INPP5A: variants seen among roughly 807,000 people sequenced by gnomAD.
INPP5A encodes the protein inositol polyphosphate-5-phosphatase A.
A neutral mutation model predicts 65.2 loss-of-function variants in INPP5A; 14 were observed. That is an observed-to-expected ratio of 0.21 (90% confidence interval 0.14 to 0.34). The LOEUF (loss-of-function observed/expected upper bound fraction) is 0.34, where lower values mean the gene tolerates loss of function less well. Ranked by LOEUF, INPP5A falls within the 10% of genes least tolerant of loss-of-function variation. The probability of loss-of-function intolerance (pLI) is 1.00; values close to 1 mark genes in which losing one functional copy is unlikely to be tolerated. For synonymous variants in INPP5A, 207 were observed against 208.3 expected (o/e 0.99, Z 0.05); for missense variants, 431 against 545.6 (o/e 0.79, Z 2.09).
intron 4 of INPP5A, among the ~76,000 whole-genome samples, chr10:132,664,851 C>G (rs2072781629): frequency 6.6e-6 from 1 of 152,224 alleles, no homozygotes; most frequent in Admixed American, 6.5e-5. Flanking sequence ...GGCCACACAT[C>G]CCTGTCAGGG....
rs1237158030 is a variant in INPP5A, at chr10:132,546,085, C to G, written c.75+7914C>G. Among the ~76,000 whole-genome samples the G allele has an allele frequency of 6.6e-6, 1 of 152,206 alleles. No individual in the cohort carries two copies. Among genetic ancestry groups the G allele is most frequent in the Non-Finnish European group, 1.5e-5 (1 of 68,034 alleles). ...GAGTGGCCGAGGCGTCTGGGGACGT[C>G]CTGGAGCCTGCAGCCCTTGGCCGTG... On this transcript the variant is annotated intron_variant, in intron 1 of 15. Transcript: ENST00000368594. This position sits in a 1 kb window ranked among gnomAD's most constrained non-coding sequence, Gnocchi z 5.7.
At chr10:132,770,725 A>T (rs914199997) in intron 12 of INPP5A, among the ~76,000 whole-genome samples, 17 of 152,358 alleles carry the variant, frequency 1.1e-4, no homozygotes, top group African/African-American at 3.4e-4. Flanking sequence ...TTACATAAGT[A>T]ACATTTTTGT....
At position 132,566,236 on chromosome 10, in the gene INPP5A, A is replaced by G. The variant is rs192913022; in HGVS notation, c.75+28065A>G. ...GAGGGAGACACTAAATTGACCAGTTATTAGGAAAAAAATTAAAAAGATTGA... is the reference window on the plus strand; with the variant it reads ...GAGGGAGACACTAAATTGACCAGTTGTTAGGAAAAAAATTAAAAAGATTGA... On this transcript the variant is annotated intron_variant, in intron 1 of 15. Transcript: ENST00000368594. 1.0e-3 allele frequency among the ~76,000 whole-genome samples: 157 copies of G among 152,330 alleles called. 2 individuals are homozygous for G. The highest frequency in any genetic ancestry group is 2.4e-4 in the Non-Finnish European group (16 of 68,036).
At chr10:132,731,335 G>C (rs569963078) in intron 9 of INPP5A, among the ~76,000 whole-genome samples, 12 of 151,830 alleles carry the variant, frequency 7.9e-5, no homozygotes, top group African/African-American at 2.4e-4. Flanking sequence ...GTGACTGCGT[G>C]CCTCCTGCAT....
intron 3 of INPP5A, 49 bp downstream of exon 3, chr10:132,646,017 G>A (rs767462424): frequency 3.9e-6 from 5 of 1,268,832 alleles, no homozygotes; most frequent in Admixed American, 1.8e-5. Context: ...CAGGGGTGTG[G>A]GGTGCCGGCG....
intron 6 of INPP5A, among the ~76,000 whole-genome samples, chr10:132,703,150 T>A (rs1845464270): frequency 6.6e-6 from 1 of 152,130 alleles, no homozygotes; most frequent in African/African-American, 2.4e-5. Context: ...CCCTGTGACT[T>A]GGTGCAGGCA....
chr10:132,590,651 C>T (rs1459559723), intron 1 of INPP5A, among the ~76,000 whole-genome samples: 1 of 152,226 alleles, frequency 6.6e-6, no homozygotes, highest in Admixed American at 6.5e-5. Flanking sequence ...CCGTTGCTTC[C>T]AGACAGCCTC....
chr10:132,729,234 C>T (rs2134588743), intron 9 of INPP5A, among the ~76,000 whole-genome samples: 1 of 152,316 alleles, frequency 6.6e-6, no homozygotes, highest in African/African-American at 2.4e-5. Flanking sequence ...GGCGGGAGAA[C>T]AGTGCAGGGG....
At chr10:132,569,202 A>G (rs995819762) in intron 1 of INPP5A, among the ~76,000 whole-genome samples, 6 of 152,072 alleles carry the variant, frequency 3.9e-5, no homozygotes, top group Non-Finnish European at 5.9e-5. Flanking sequence ...GAGAGTGTTA[A>G]GTTCTTATAC....
intron 5 of INPP5A, among the ~76,000 whole-genome samples, chr10:132,695,851 G>A (rs1845336237): frequency 6.6e-6 from 1 of 152,230 alleles, no homozygotes; most frequent in African/African-American, 2.4e-5. Flanking sequence ...GGAAGATCTA[G>A]ATAAATGGAG....
Position 132,635,332 on chromosome 10 carries a change from AT to A in INPP5A, c.118-10528del, listed in dbSNP as rs764831085. On this transcript the variant is annotated intron_variant, in intron 2 of 15. Coordinates refer to ENST00000368594, the MANE Select transcript of INPP5A (RefSeq NM_005539.5). ...TTCCTGCTGTCTTTTGAATTATTTA[AT>A]TTTTTTTGGCATTCCATTTTTATTT... Among the ~76,000 whole-genome samples, 164 of 117,202 alleles carry A rather than the reference AT, an allele frequency of 1.4e-3. 1 individual carries two copies. Among genetic ancestry groups the A allele is most frequent in the Non-Finnish European group, 1.5e-3 (82 of 53,964 alleles). The allele number at this position is 117,202 out of a possible 152,430, so 76.9% of individuals were successfully genotyped here.
intron 7 of INPP5A, 118 bp downstream of exon 7, chr10:132,708,483 C>G: frequency 2.0e-6 from 2 of 999,826 alleles, no homozygotes; most frequent in Non-Finnish European, 3.2e-6. Context: ...ATGAGGACCC[C>G]CAGCTGCCTG....
chr10:132,653,843 G>A (rs778213644), intron 4 of INPP5A, among the ~76,000 whole-genome samples: 3 of 152,230 alleles, frequency 2.0e-5, no homozygotes, highest in South Asian at 4.1e-4. Flanking sequence ...GGCGCCCCCC[G>A]TCAAAGGAAA....
chr10:132,562,899 C>T (rs922742866), intron 1 of INPP5A, among the ~76,000 whole-genome samples: 1 of 152,208 alleles, frequency 6.6e-6, no homozygotes. Flanking sequence ...TTCCCCTGCT[C>T]TGGTATCTCA....
At chr10:132,735,402 A>G (rs1846158660) in intron 9 of INPP5A, among the ~76,000 whole-genome samples, 1 of 152,264 alleles carries the variant, frequency 6.6e-6, no homozygotes, top group Non-Finnish European at 1.5e-5. Flanking sequence ...ATCACAGTGC[A>G]GAGCGTCTTG....
intron 2 of INPP5A, among the ~76,000 whole-genome samples, chr10:132,635,821 A>G (rs960305831): frequency 3.9e-5 from 6 of 151,962 alleles, no homozygotes; most frequent in Admixed American, 6.6e-5. Context: ...AAAAAAAAAA[A>G]AATTAGCTGG....
chr10:132,714,068 C>T (rs1389261640), intron 8 of INPP5A, among the ~76,000 whole-genome samples: 1 of 152,166 alleles, frequency 6.6e-6, no homozygotes, highest in Non-Finnish European at 1.5e-5. Flanking sequence ...GCAGGGAGGG[C>T]CCTGCCGTGT....
intron 2 of INPP5A, among the ~76,000 whole-genome samples, chr10:132,630,621 GAGGGGAAGACA>G (rs2072255198): frequency 2.0e-5 from 3 of 151,414 alleles, no homozygotes; most frequent in East Asian, 3.9e-4. Flanking sequence ...AGACATCCAT[GAGGGGAAGACA>G]TCCATGAGGG....
Position 132,768,106 on chromosome 10 carries a change from C to T in INPP5A, c.977+2260C>T, listed in dbSNP as rs186865771. On this transcript the variant is annotated intron_variant, in intron 12 of 15. Coordinates refer to ENST00000368594, the MANE Select transcript of INPP5A (RefSeq NM_005539.5). ...AGAAAGATCCATGGACCCCAACCCT[C>T]GGCATTCCCAGGGTGCCCACGTGCC... is the stretch of plus-strand genomic sequence containing the variant. Among the ~76,000 whole-genome samples, 514 of 145,832 alleles carry T rather than the reference C, an allele frequency of 3.5e-3. 2 individuals are homozygous for T. The highest frequency in any genetic ancestry group is 5.8e-3 in the Non-Finnish European group (387 of 66,506).
Sources: gnomAD v4.1 joint callset for allele counts (sites outside exome capture counted in the v4.1 genomes callset) on GRCh38, gnomAD v4.1.1 for gene constraint, Gnocchi (gnomAD v3.1) non-coding constraint, MANE v1.5 for transcripts, NCBI Gene and HGNC (gene_info 2026-07-23, HGNC 2026-07-21) for gene names.